Variants in FGF10 observed in about 807,000 individuals in gnomAD.
The protein encoded by FGF10 is fibroblast growth factor 10.
In FGF10, 2 loss-of-function variants were observed where a neutral mutation model predicts 19.8. The observed-to-expected ratio is 0.10, with a 90% CI of 0.04 to 0.32. FGF10 has a LOEUF of 0.32. Among genes scored for constraint, FGF10 ranks in the 10% least tolerant of loss-of-function variants. The pLI is 1.00. For missense variants in FGF10, 191 were observed against 246.3 expected (o/e 0.78, Z 1.50); for synonymous variants, 112 against 94.0 (o/e 1.19, Z -1.10).
intron 1 of FGF10, among the ~76,000 whole-genome samples, chr5:44,312,893 A>G (rs1740245919): frequency 6.6e-6 from 1 of 152,114 alleles, no homozygotes; most frequent in Admixed American, 6.6e-5. Flanking sequence ...CTATAGTAAT[A>G]GTATAAGATA....
intron 1 of FGF10, among the ~76,000 whole-genome samples, chr5:44,337,552 T>C (rs572213684): frequency 6.6e-6 from 1 of 152,384 alleles, no homozygotes; most frequent in Admixed American, 6.5e-5. Context: ...TTCAGTTTGT[T>C]GAATTAAAAG....
intron 2 of FGF10, among the ~76,000 whole-genome samples, chr5:44,307,887 T>C (rs1387231449): frequency 6.6e-6 from 1 of 152,236 alleles, no homozygotes; most frequent in African/African-American, 2.4e-5. Context: ...GGTTAGAGAA[T>C]GAGTTTCTTT....
rs559549909 is a variant in FGF10 at position 44,302,535 on chromosome 5, G to T, written c.*2460C>A. 6.6e-6 allele frequency among the ~76,000 whole-genome samples: 1 copy of T among 151,884 alleles called. No homozygotes were observed. The highest frequency in any genetic ancestry group is 2.1e-4 in the South Asian group (1 of 4,818). ...CACCACGCATGGCTACATTTGTTTT[G>T]TTTTGTTTTGTTTAAGAGAAGGATG... On this transcript the variant is annotated 3_prime_UTR_variant, in exon 3 of 3. Transcript: ENST00000264664.
chr5:44,367,253 A>G (rs1035970593), intron 1 of FGF10, among the ~76,000 whole-genome samples: 2 of 152,014 alleles, frequency 1.3e-5, no homozygotes, highest in Non-Finnish European at 1.5e-5. Flanking sequence ...TTTCAAAATA[A>G]AAGTGGTCAG....
intron 2 of FGF10, among the ~76,000 whole-genome samples, chr5:44,308,477 A>T (rs745741460): frequency 3.9e-5 from 6 of 152,274 alleles, no homozygotes; most frequent in Middle Eastern, 3.4e-3. Flanking sequence ...CTCTTCAAAG[A>T]ATATGTACCT....
chr5:44,331,917 C>A (rs1740743664), intron 1 of FGF10, among the ~76,000 whole-genome samples: 1 of 151,734 alleles, frequency 6.6e-6, no homozygotes, highest in African/African-American at 2.4e-5. Flanking sequence ...CACTTTTGGG[C>A]TTGAGATGGA....
rs993749027 is a variant in FGF10 at position 44,301,192 on chromosome 5, G to A, written c.*3803C>T. On this transcript the variant is annotated 3_prime_UTR_variant, in exon 3 of 3. Transcript: ENST00000264664. ...ATAAACAAGAACTCTTAATCAATAT[G>A]GTATCTGTTTGCATGTATATGTCCT... Among the ~76,000 whole-genome samples, 2 of 151,476 alleles carry A rather than the reference G, an allele frequency of 1.3e-5. No individual in the cohort carries two copies. The highest frequency in any genetic ancestry group is 1.3e-4 in the Admixed American group (2 of 15,206).
chr5:44,383,497 C>T (rs1344040029), intron 1 of FGF10, among the ~76,000 whole-genome samples: 3 of 152,036 alleles, frequency 2.0e-5, no homozygotes, highest in Non-Finnish European at 4.4e-5. Context: ...ATATCCAAGA[C>T]CTAGAATTTG....
At chr5:44,340,419 C>A (rs1429679223) in intron 1 of FGF10, among the ~76,000 whole-genome samples, 2 of 152,006 alleles carry the variant, frequency 1.3e-5, no homozygotes, top group African/African-American at 4.8e-5. Context: ...AAAAAAGATA[C>A]AGCACCAACC....
intron 1 of FGF10, among the ~76,000 whole-genome samples, chr5:44,316,228 C>A (rs1207571901): frequency 6.6e-6 from 1 of 152,166 alleles, no homozygotes; most frequent in African/African-American, 2.4e-5. Context: ...ACCATCTCCT[C>A]ATTCCCTTTC....
chr5:44,326,273 T>C (rs569176448), intron 1 of FGF10, among the ~76,000 whole-genome samples: 175 of 152,282 alleles, frequency 1.1e-3, no homozygotes, highest in African/African-American at 4.2e-3. Flanking sequence ...AGGAGAAATG[T>C]TTAGTGTGCA....
chr5:44,312,409 G>C (rs545751009), intron 1 of FGF10, among the ~76,000 whole-genome samples: 1 of 152,150 alleles, frequency 6.6e-6, no homozygotes, highest in African/African-American at 2.4e-5. Flanking sequence ...CTGACTTTTA[G>C]ACTCTATTGC....
In FGF10 at chr5:44,302,698, G is replaced by A. The variant is rs1460303547; in HGVS notation, c.*2297C>T. 2.6e-5 allele frequency among the ~76,000 whole-genome samples: 4 copies of A among 152,130 alleles called. No homozygotes were observed. Among genetic ancestry groups the A allele is most frequent in the Admixed American group, 2.6e-4 (4 of 15,254 alleles). Reference sequence around the variant, plus strand: ...GTCTTTCTGTGAGGGAAATGTGGGAGAGACAGGGAGATGTTTTCTATTTTT... The same window carrying A: ...GTCTTTCTGTGAGGGAAATGTGGGAAAGACAGGGAGATGTTTTCTATTTTT... On this transcript the variant is annotated 3_prime_UTR_variant, in exon 3 of 3. Transcript: ENST00000264664.
chr5:44,315,054 T>G lies in FGF10; in HGVS notation c.326-4524A>C, dbSNP rs114459000. On this transcript the variant is annotated intron_variant, in intron 1 of 2. Transcript: ENST00000264664. ...GTAAATTAATTCAGCTAATGTGTAT[T>G]AAGCACCAGTGTGCAGGGTAGGTGT... 4.2e-3 allele frequency among the ~76,000 whole-genome samples: 638 copies of G among 152,090 alleles called. 5 individuals are homozygous for G. Among genetic ancestry groups the G allele is most frequent in the African/African-American group, 0.015 (605 of 41,496 alleles).
At chr5:44,367,273 T>G (rs1051352070) in intron 1 of FGF10, among the ~76,000 whole-genome samples, 3 of 152,044 alleles carry the variant, frequency 2.0e-5, no homozygotes, top group African/African-American at 7.2e-5. Context: ...GGAGCCAGAC[T>G]TTTTTAACTG....
chr5:44,314,517 C>A (rs1740290876), intron 1 of FGF10, among the ~76,000 whole-genome samples: 1 of 151,240 alleles, frequency 6.6e-6, no homozygotes, highest in African/African-American at 2.5e-5. Context: ...GCGAATGTTC[C>A]CTCATGATGC....
At chr5:44,373,201 T>C (rs1170298324) in intron 1 of FGF10, among the ~76,000 whole-genome samples, 1 of 152,142 alleles carries the variant, frequency 6.6e-6, no homozygotes, top group South Asian at 2.1e-4. Context: ...CTAGGTAACC[T>C]CATCTCTATT....
chr5:44,307,483 C>T (rs1205155180), intron 2 of FGF10, among the ~76,000 whole-genome samples: 3 of 151,820 alleles, frequency 2.0e-5, no homozygotes, highest in Non-Finnish European at 4.4e-5. Context: ...CAGGAGAAAA[C>T]TCAAAATACA....
chr5:44,348,459 A>C (rs543726272), intron 1 of FGF10, among the ~76,000 whole-genome samples: 1 of 151,546 alleles, frequency 6.6e-6, no homozygotes, highest in East Asian at 2.0e-4. Flanking sequence ...TGGATTTTAT[A>C]ATCATTTTGA....
Sources: gnomAD v4.1 joint callset for allele counts (sites outside exome capture counted in the v4.1 genomes callset) on GRCh38, gnomAD v4.1.1 for gene constraint, MANE v1.5 for transcripts, NCBI Gene and HGNC (gene_info 2026-07-23, HGNC 2026-07-21) for gene names.